UNC5A: variants seen among roughly 807,000 people sequenced by gnomAD.
UNC5A encodes netrin receptor UNC5A.
A neutral mutation model predicts 87.4 loss-of-function variants in UNC5A; 20 were observed. That is an observed-to-expected ratio of 0.23 (90% CI 0.16 to 0.33). The LOEUF is 0.33. Among genes scored for constraint, UNC5A ranks in the 10% least tolerant of loss-of-function variants. UNC5A has a pLI of 1.00. For missense variants in UNC5A, 844 were observed against 1,133.4 expected (o/e 0.74, Z 3.67); for synonymous variants, 438 against 482.3 (o/e 0.91, Z 1.20).
chr5:176,816,232 G>A (rs1039988547), intron 1 of UNC5A, among the ~76,000 whole-genome samples: 5 of 152,258 alleles, frequency 3.3e-5, no homozygotes, highest in Non-Finnish European at 7.3e-5. Context: ...TGCCCTGGCA[G>A]GGGCTGCCTG....
At chr5:176,836,218 G>A (rs1469820051) in intron 1 of UNC5A, among the ~76,000 whole-genome samples, 1 of 152,186 alleles carries the variant, frequency 6.6e-6, no homozygotes, top group Admixed American at 6.5e-5. Flanking sequence ...GAGGGCAACA[G>A]CAGGCTGGAC....
intron 1 of UNC5A, among the ~76,000 whole-genome samples, chr5:176,816,419 C>G (rs1023454589): frequency 1.3e-5 from 2 of 152,270 alleles, no homozygotes; most frequent in African/African-American, 4.8e-5. Flanking sequence ...TCCCAGTGCC[C>G]AAGGCCCACC....
intron 1 of UNC5A, among the ~76,000 whole-genome samples, chr5:176,827,236 G>A (rs1261909743): frequency 7.4e-6 from 1 of 135,678 alleles, no homozygotes; most frequent in Non-Finnish European, 1.5e-5. Flanking sequence ...AGGCTGGAGT[G>A]CAGTGGCACA....
At chr5:176,821,083 A>C (rs1290850717) in intron 1 of UNC5A, among the ~76,000 whole-genome samples, 1 of 152,164 alleles carries the variant, frequency 6.6e-6, no homozygotes, top group African/African-American at 2.4e-5. Context: ...AGCCACCAGC[A>C]TGCCACTTTC....
chr5:176,855,228 G>T (rs554802611), intron 1 of UNC5A, among the ~76,000 whole-genome samples: 2 of 152,230 alleles, frequency 1.3e-5, no homozygotes, highest in African/African-American at 2.4e-5. Context: ...CCTTACGAAG[G>T]CCTACAATGC....
chr5:176,822,872 C>T (rs866214116), intron 1 of UNC5A, among the ~76,000 whole-genome samples: 5 of 152,160 alleles, frequency 3.3e-5, no homozygotes, highest in Admixed American at 1.3e-4. Flanking sequence ...CGTGCAGCCC[C>T]GCTGGAGCAG....
chr5:176,870,565 T>C (rs781250303), intron 6 of UNC5A, 31 bp downstream of exon 6: 3 of 1,547,098 alleles, frequency 1.9e-6, no homozygotes, highest in Admixed American at 3.7e-5. Flanking sequence ...GGTCCTCTTC[T>C]GTTTGCCTGG....
Position 176,877,274 on chromosome 5 carries a change from C to T in UNC5A, c.1461C>T (p.Asp487=), listed in dbSNP as rs150349541. 9.2e-5 allele frequency: 148 copies of T among 1,611,996 alleles called. No homozygotes were observed. The highest frequency in any genetic ancestry group is 3.6e-4 in the South Asian group (33 of 91,072). The change falls in exon 9 of 15, where the codon GAC becomes GAT. Residue 487 remains aspartate (D), a synonymous_variant. Coordinates refer to ENST00000329542, the MANE Select transcript of UNC5A (RefSeq NM_133369.3). ...EIYLTLHKPE[D]VRLPLAGCQT... ...ACCTCACGCTGCACAAGCCGGAAGA[C>T]GTGAGGTGTGGCCGCGGGCCCTGTT...
At chr5:176,819,860 C>T (rs776784645) in intron 1 of UNC5A, among the ~76,000 whole-genome samples, 18 of 152,264 alleles carry the variant, frequency 1.2e-4, no homozygotes, top group Non-Finnish European at 1.9e-4. Context: ...GTCATCAGCA[C>T]ATTTTGCCAG....
intron 1 of UNC5A, among the ~76,000 whole-genome samples, chr5:176,832,909 G>C (rs1387096816): frequency 3.3e-5 from 5 of 152,190 alleles, no homozygotes; most frequent in Non-Finnish European, 7.3e-5. Context: ...CAGAGGTGGA[G>C]GCAGGGACAG....
rs561986818 is a variant in UNC5A, at chr5:176,856,536, G to C, written c.71-6088G>C. Among the ~76,000 whole-genome samples, 6 of 152,336 alleles carry C rather than the reference G, an allele frequency of 3.9e-5. No homozygotes were observed. The South Asian group carries it at 1.2e-3, about 32-fold the overall frequency. ...CCCCAGGGAGTTTATGGTCTAACAA[G>C]GGAAGTGGCGTACAAACTCACCCTG... On this transcript the variant is annotated intron_variant, in intron 1 of 14. Coordinates refer to ENST00000329542, the MANE Select transcript of UNC5A (RefSeq NM_133369.3).
chr5:176,828,336 G>A (rs1756904933), intron 1 of UNC5A, among the ~76,000 whole-genome samples: 1 of 152,148 alleles, frequency 6.6e-6, no homozygotes, highest in Non-Finnish European at 1.5e-5. Context: ...GGGGGCAGTG[G>A]GGGTGAGGGA....
chr5:176,857,661 C>T (rs542313113), intron 1 of UNC5A, among the ~76,000 whole-genome samples: 6 of 152,336 alleles, frequency 3.9e-5, no homozygotes, highest in African/African-American at 1.4e-4. Flanking sequence ...ACGTGGGCAG[C>T]CAGTTCTCTC....
chr5:176,823,366 A>G (rs756338417), intron 1 of UNC5A, among the ~76,000 whole-genome samples: 1 of 152,060 alleles, frequency 6.6e-6, no homozygotes, highest in Non-Finnish European at 1.5e-5. Context: ...GGTCACAAGC[A>G]ACAGAAACTG....
At chr5:176,826,185 G>T (rs747856294) in intron 1 of UNC5A, among the ~76,000 whole-genome samples, 2 of 152,242 alleles carry the variant, frequency 1.3e-5, no homozygotes, top group Non-Finnish European at 2.9e-5. Context: ...CATTTGCTAG[G>T]GTTAGCTGGT....
chr5:176,874,307 C>T lies in UNC5A; in HGVS notation c.1119C>T (p.Thr373=). ...LLTIQPDLST[T]TTTYQGSLCP... is the part of the protein sequence containing the mutation. ...CCATCCAGCCGGACCTCAGCACCAC[C>T]ACCACCACCTACCAGGGCAGTCTCT... The change falls in exon 8 of 15, where the codon ACC becomes ACT. Residue 373 remains threonine (T), a synonymous_variant. Coordinates refer to ENST00000329542, the MANE Select transcript of UNC5A (RefSeq NM_133369.3). This position sits in a 1 kb window ranked among gnomAD's most constrained non-coding sequence, Gnocchi z 7.6. 1 of 1,608,946 alleles carries T rather than the reference C, an allele frequency of 6.2e-7. No individual in the cohort carries two copies. The highest frequency in any genetic ancestry group is 8.5e-7 in the Non-Finnish European group (1 of 1,177,170).
In UNC5A at chr5:176,820,733, T is replaced by C. The variant is rs112853695; in HGVS notation, c.70+9913T>C. Among the ~76,000 whole-genome samples, 497 of 152,336 alleles carry C rather than the reference T, an allele frequency of 3.3e-3. 7 individuals carry two copies. The highest frequency in any genetic ancestry group is 0.011 in the African/African-American group (464 of 41,574). On this transcript the variant is annotated intron_variant, in intron 1 of 14. Coordinates refer to ENST00000329542, the MANE Select transcript of UNC5A (RefSeq NM_133369.3). ...GTGCCTGGAGTTTGCATAAGGCTCA[T>C]TGGGCTGTGGCACCTCCAGTGGATG...
chr5:176,870,407 C>T lies in UNC5A; in HGVS notation c.759C>T (p.Ala253=). The change falls in exon 6 of 15, where the codon GCC becomes GCT. Residue 253 remains alanine (A), a synonymous_variant. Coordinates refer to ENST00000329542, the MANE Select transcript of UNC5A (RefSeq NM_133369.3). ...GSWSPWSKWS[A]CGLDCTHWRS... is the part of the protein sequence containing the mutation. Reference sequence around the variant, plus strand: ...GGAGCCCGTGGAGCAAGTGGTCGGCCTGTGGGCTGGACTGCACCCACTGGC... The same window carrying T: ...GGAGCCCGTGGAGCAAGTGGTCGGCTTGTGGGCTGGACTGCACCCACTGGC... 1 of 1,612,266 alleles carries T rather than the reference C, an allele frequency of 6.2e-7. No homozygotes were observed. The highest frequency in any genetic ancestry group is 1.1e-5 in the South Asian group (1 of 91,060).
At chr5:176,839,674 G>A (rs1018683065) in intron 1 of UNC5A, among the ~76,000 whole-genome samples, 1 of 152,220 alleles carries the variant, frequency 6.6e-6, no homozygotes, top group African/African-American at 2.4e-5. Flanking sequence ...GGATGTGCAG[G>A]GAGTGGGTGA....
Sources: allele counts gnomAD v4.1 joint callset (sites outside exome capture counted in the v4.1 genomes callset), GRCh38; gene constraint gnomAD v4.1.1; non-coding constraint Gnocchi (gnomAD v3.1); transcripts MANE v1.5; gene names NCBI Gene and HGNC (gene_info 2026-07-23, HGNC 2026-07-21).